NR3C2: variants seen among roughly 807,000 people sequenced by gnomAD.
NR3C2 encodes mineralocorticoid receptor.
In NR3C2, 15 loss-of-function variants were observed where a neutral mutation model predicts 86.4. That is an observed-to-expected ratio of 0.17 (90% CI 0.12 to 0.27). The LOEUF is 0.27. Ranked by LOEUF, NR3C2 falls within the 10% of genes least tolerant of loss-of-function variation. The pLI, the probability that NR3C2 is intolerant of heterozygous loss-of-function variation, is 1.00. For missense variants in NR3C2, 960 were observed against 1,195.6 expected (o/e 0.80, Z 2.91); for synonymous variants, 458 against 450.5 (o/e 1.02, Z -0.21).
At chr4:148,141,851 A>C (rs1339185687) in intron 6 of NR3C2, among the ~76,000 whole-genome samples, 1 of 152,196 alleles carries the variant, frequency 6.6e-6, no homozygotes, top group Non-Finnish European at 1.5e-5. Flanking sequence ...CTGAGGTGGA[A>C]CAGTTTCAAC....
chr4:148,082,705 C>T (rs1730632629), intron 8 of NR3C2, among the ~76,000 whole-genome samples: 1 of 142,084 alleles, frequency 7.0e-6, no homozygotes, highest in Non-Finnish European at 1.5e-5. Context: ...GCATCTGGAA[C>T]ACCAGCGAGA....
intron 2 of NR3C2, among the ~76,000 whole-genome samples, chr4:148,285,302 C>T (rs1237646526): frequency 1.3e-5 from 2 of 152,210 alleles, no homozygotes; most frequent in East Asian, 1.9e-4. Context: ...AAAACTGGCT[C>T]TTTCCCAAAC....
intron 2 of NR3C2, among the ~76,000 whole-genome samples, chr4:148,390,953 G>A (rs1370143893): frequency 5.3e-5 from 8 of 152,128 alleles, no homozygotes; most frequent in Non-Finnish European, 1.0e-4. Flanking sequence ...GAAACCAATT[G>A]TTGCTAAAAT....
chr4:148,253,936 C>T (rs116430214), intron 3 of NR3C2, among the ~76,000 whole-genome samples: 124 of 152,242 alleles, frequency 8.1e-4, no homozygotes, highest in African/African-American at 2.9e-3. Context: ...CCTTTCATCC[C>T]TTGCCCTCAG....
chr4:148,274,535 CT>C (rs1390408749), intron 2 of NR3C2, among the ~76,000 whole-genome samples: 1 of 152,018 alleles, frequency 6.6e-6, no homozygotes, highest in Non-Finnish European at 1.5e-5. Flanking sequence ...CAGCTCCCCC[CT>C]CGCTCTTGCT....
intron 2 of NR3C2, among the ~76,000 whole-genome samples, chr4:148,283,804 A>G (rs866456448): frequency 6.6e-6 from 1 of 152,234 alleles, no homozygotes; most frequent in Non-Finnish European, 1.5e-5. Flanking sequence ...ACATTGATTT[A>G]TATTTGATTT....
chr4:148,141,434 T>TCC (rs67967848), intron 6 of NR3C2, among the ~76,000 whole-genome samples: 36 of 111,560 alleles, frequency 3.2e-4, no homozygotes, highest in East Asian at 3.2e-3. Context: ...TCTCTCTCTC[T>TCC]CTCCCTCTCT....
chr4:148,332,741 G>A (rs977065015), intron 2 of NR3C2, among the ~76,000 whole-genome samples: 2 of 152,190 alleles, frequency 1.3e-5, no homozygotes, highest in Admixed American at 6.5e-5. Flanking sequence ...GTGCAATGGA[G>A]TGTTAGAGGT....
intron 8 of NR3C2, among the ~76,000 whole-genome samples, chr4:148,112,434 CTA>C (rs1732086885): frequency 1.3e-5 from 2 of 152,208 alleles, no homozygotes; most frequent in South Asian, 2.1e-4. Flanking sequence ...AGTAAATCTG[CTA>C]TGTGTTCTCA....
intron 2 of NR3C2, among the ~76,000 whole-genome samples, chr4:148,410,494 A>T (rs1014897322): frequency 8.5e-5 from 13 of 152,194 alleles, no homozygotes; most frequent in African/African-American, 3.1e-4. Flanking sequence ...ATGGGCTTCA[A>T]ACTTATGGAG....
At chr4:148,153,599 C>T (rs1223507403) in intron 5 of NR3C2, among the ~76,000 whole-genome samples, 3 of 152,236 alleles carry the variant, frequency 2.0e-5, no homozygotes, top group South Asian at 4.1e-4. Context: ...CCAACTTTTA[C>T]AGCTGCTGTC....
Position 148,275,175 on chromosome 4 carries a change from T to C in NR3C2, c.1758-15058A>G, listed in dbSNP as rs980448038. ...CATTAGAAATTTGCTTATGACACAG[T>C]TGCAAAGGGTTACTTTAAAGTACAC... On this transcript the variant is annotated intron_variant, in intron 2 of 8. Coordinates refer to ENST00000358102, the MANE Select transcript of NR3C2 (RefSeq NM_000901.5). 5.3e-5 allele frequency among the ~76,000 whole-genome samples: 8 copies of C among 152,340 alleles called. No individual in the cohort carries two copies. The South Asian group carries it at 1.0e-3, about 20-fold the overall frequency.
intron 4 of NR3C2, among the ~76,000 whole-genome samples, chr4:148,177,211 T>C (rs1735417689): frequency 1.3e-5 from 2 of 152,210 alleles, no homozygotes; most frequent in African/African-American, 4.8e-5. Context: ...TCTCCTTTAT[T>C]AATCATGGTA....
intron 2 of NR3C2, among the ~76,000 whole-genome samples, chr4:148,272,437 G>A (rs1360610599): frequency 6.6e-6 from 1 of 152,108 alleles, no homozygotes; most frequent in Non-Finnish European, 1.5e-5. Context: ...GATTGAATTA[G>A]ATACCTTTAT....
At chr4:148,146,063 A>G (rs1186330057) in intron 6 of NR3C2, among the ~76,000 whole-genome samples, 1 of 152,078 alleles carries the variant, frequency 6.6e-6, no homozygotes, top group South Asian at 2.1e-4. Context: ...GAGAAGTAAG[A>G]AATCTTAACT....
rs375370898 is a variant in NR3C2 at position 148,422,094 on chromosome 4, C to T, written c.1757+13010G>A. Among the ~76,000 whole-genome samples the T allele has an allele frequency of 2.6e-5, 4 of 152,116 alleles. No individual in the cohort carries two copies. In the East Asian group the frequency reaches 7.7e-4, roughly 29 times the overall value. On this transcript the variant is annotated intron_variant, in intron 2 of 8. Coordinates refer to ENST00000358102, the MANE Select transcript of NR3C2 (RefSeq NM_000901.5). ...CTCCTCCTTCCTCTACTCTAGGAAT[C>T]CATTAATTTTTTCAGTTCCCTAAAA...
At chr4:148,339,453 G>A (rs1430469525) in intron 2 of NR3C2, among the ~76,000 whole-genome samples, 1 of 152,134 alleles carries the variant, frequency 6.6e-6, no homozygotes, top group Non-Finnish European at 1.5e-5. Context: ...GTACAGAAAT[G>A]TCTAAAAGAA....
At chr4:148,130,787 GT>G (rs1220936053) in intron 6 of NR3C2, among the ~76,000 whole-genome samples, 9 of 128,478 alleles carry the variant, frequency 7.0e-5, no homozygotes, top group Admixed American at 3.2e-4. Context: ...CAATGAACAC[GT>G]TTTTTTTTTT....
chr4:148,353,595 A>C (rs1413405736), intron 2 of NR3C2, among the ~76,000 whole-genome samples: 1 of 152,196 alleles, frequency 6.6e-6, no homozygotes, highest in Non-Finnish European at 1.5e-5. Flanking sequence ...TAGAGGAGTG[A>C]AAGCAAAAAT....
Sources: gnomAD v4.1 joint callset for allele counts (sites outside exome capture counted in the v4.1 genomes callset) on GRCh38, gnomAD v4.1.1 for gene constraint, MANE v1.5 for transcripts, NCBI Gene and HGNC (gene_info 2026-07-23, HGNC 2026-07-21) for gene names.